Variants in COL27A1 observed in about 807,000 individuals in gnomAD.
The protein encoded by COL27A1 is collagen alpha-1(XXVII) chain.
A neutral mutation model predicts 251.3 loss-of-function variants in COL27A1; 106 were observed. The ratio of observed to expected loss-of-function variants is 0.42; its 90% CI spans 0.36 to 0.50. The LOEUF is 0.50. COL27A1 is among the 20% of genes least tolerant of loss of function. The probability of loss-of-function intolerance (pLI) is 0.00; values close to 1 mark genes in which losing one functional copy is unlikely to be tolerated. For synonymous variants in COL27A1, 1,000 were observed against 986.3 expected (o/e 1.01, Z -0.26); for missense variants, 2,325 against 2,522.8 (o/e 0.92, Z 1.68).
intron 2 of COL27A1, among the ~76,000 whole-genome samples, chr9:114,165,360 C>CATCCATTCATCCATCCATCCAAT (rs1848757977): frequency 6.6e-6 from 1 of 152,020 alleles, no homozygotes. Flanking sequence ...TCCATCCATC[C>CATCCATTCATCCATCCATCCAAT]ATCCATTCAT....
rs757891945 is a variant in COL27A1, at chr9:114,168,297, C to A, written c.742C>A (p.Pro248Thr). ...QADTYQSPLG[P>T]LFSQDSGRPF... ...TGACACGTACCAGTCCCCACTGGGA[C>A]CTCTCTTCTCCCAAGACTCTGGCAG... is the stretch of plus-strand genomic sequence containing the variant. The change falls in exon 3 of 61, where the codon CCT becomes ACT. Residue 248 changes from proline (P) to threonine (T), a missense_variant. Transcript: ENST00000356083. The A allele has an allele frequency of 6.2e-7, 1 of 1,613,500 alleles. No individual in the cohort carries two copies. Among genetic ancestry groups the A allele is most frequent in the South Asian group, 1.1e-5 (1 of 91,082 alleles).
chr9:114,235,773 GAAATAA>G (rs1832351491), intron 17 of COL27A1, 121 bp downstream of exon 17: 2 of 759,128 alleles, frequency 2.6e-6, no homozygotes, highest in Non-Finnish European at 4.8e-6. Flanking sequence ...GGCTGCCCTC[GAAATAA>G]TCCAGTCTTC....
At chr9:114,171,207 A>T (rs1227974436) in intron 3 of COL27A1, among the ~76,000 whole-genome samples, 1 of 152,216 alleles carries the variant, frequency 6.6e-6, no homozygotes, top group Non-Finnish European at 1.5e-5. Flanking sequence ...GGGATGACTT[A>T]GTTCAACTTT....
chr9:114,258,647 G>A, intron 28 of COL27A1, 53 bp downstream of exon 28: 4 of 1,569,046 alleles, frequency 2.5e-6, no homozygotes, highest in Non-Finnish European at 1.7e-6. Context: ...GGGCACACTT[G>A]GAACAGGGCC....
chr9:114,178,961 A>G (rs1454786611), intron 4 of COL27A1, among the ~76,000 whole-genome samples: 2 of 152,104 alleles, frequency 1.3e-5, no homozygotes, highest in Non-Finnish European at 2.9e-5. Context: ...TTCTCATTTT[A>G]GAGATGAGGA....
At chr9:114,264,655 C>G (rs1483430659) in intron 29 of COL27A1, among the ~76,000 whole-genome samples, 2 of 152,166 alleles carry the variant, frequency 1.3e-5, no homozygotes, top group African/African-American at 2.4e-5. Context: ...TCCCCGGACC[C>G]CAAACCCCAC....
intron 27 of COL27A1, among the ~76,000 whole-genome samples, chr9:114,257,192 C>CCTCT (rs759332055): frequency 6.6e-6 from 1 of 152,170 alleles, no homozygotes; most frequent in Non-Finnish European, 1.5e-5. Flanking sequence ...TGGGGCTGGG[C>CCTCT]CTCTCCCTGG....
In COL27A1 at chr9:114,304,693, C is replaced by T; in HGVS notation, c.4938+20C>T. 1.2e-6 allele frequency: 2 copies of T among 1,610,826 alleles called. No individual in the cohort carries two copies. Among genetic ancestry groups the T allele is most frequent in the Non-Finnish European group, 1.7e-6 (2 of 1,177,140 alleles). On this transcript the variant is annotated intron_variant, in intron 57 of 60. Coordinates refer to ENST00000356083, the MANE Select transcript of COL27A1 (RefSeq NM_032888.4). ...CCAGAGGTATCTCCAGGGGCTCTCC[C>T]CATGTGGGATCCCTTCCTGGGAGAA...
At chr9:114,283,900 C>T (rs766519100) in intron 40 of COL27A1, 138 bp downstream of exon 40, 2 of 850,538 alleles carry the variant, frequency 2.4e-6, no homozygotes, top group Non-Finnish European at 3.7e-6. Flanking sequence ...GTCTCACCTG[C>T]CCCAGGGAGC....
Position 114,221,820 on chromosome 9 carries a change from A to G in COL27A1, c.2422-403A>G, listed in dbSNP as rs185205380. Among the ~76,000 whole-genome samples, 10 of 152,352 alleles carry G rather than the reference A, an allele frequency of 6.6e-5. No homozygotes were observed. The East Asian group carries it at 1.9e-3, about 29-fold the overall frequency. On this transcript the variant is annotated intron_variant, in intron 13 of 60. Coordinates refer to ENST00000356083, the MANE Select transcript of COL27A1 (RefSeq NM_032888.4). ...TAGAGGCTCTCAGCTTGGAGCCCTC[A>G]TGGCTTTGTCATTTCCTTGCACCTG...
At position 114,277,148 on chromosome 9, in the gene COL27A1, C is replaced by T. The variant is rs183419580; in HGVS notation, c.3717+1380C>T. Among the ~76,000 whole-genome samples the T allele has an allele frequency of 2.4e-4, 36 of 152,196 alleles. 1 individual carries two copies. Among genetic ancestry groups the T allele is most frequent in the African/African-American group, 7.5e-4 (31 of 41,514 alleles). On this transcript the variant is annotated intron_variant, in intron 37 of 60. Coordinates refer to ENST00000356083, the MANE Select transcript of COL27A1 (RefSeq NM_032888.4). Reference sequence around the variant, plus strand: ...TGTCGCAAATACTGGACTGATGACTCGGAACTTGACTTGGTAGTGGGGGGC... The same window carrying T: ...TGTCGCAAATACTGGACTGATGACTTGGAACTTGACTTGGTAGTGGGGGGC...
At position 114,168,750 on chromosome 9, in the gene COL27A1, T is replaced by A. The variant is rs779846474; in HGVS notation, c.1195T>A (p.Ser399Thr). Residue 399 changes from serine to threonine, a missense_variant, in exon 3 of 61, where the codon TCA becomes ACA. Physicochemically the swap from Ser to Thr is moderately conservative, Grantham distance 58 (BLOSUM62 1). Around this residue, in one of 4 missense-constraint regions of COL27A1, gnomAD observed 1,183 missense variants for 1,144.1 expected, o/e 1.03. Coordinates refer to ENST00000356083, the MANE Select transcript of COL27A1 (RefSeq NM_032888.4). The stretch of plus-strand genomic sequence containing the variant: ...AACAGCTCCATCTTCATTTACAAAG[T>A]CAGCCCTACCCACTCAGAAGCAAGT... ...QKTAPSSFTK[S>T]ALPTQKQVPP... 18 of 1,613,824 alleles carry A rather than the reference T, an allele frequency of 1.1e-5. No individual in the cohort carries two copies. Among genetic ancestry groups the A allele is most frequent in the Admixed American group, 6.7e-5 (4 of 59,990 alleles).
intron 41 of COL27A1, among the ~76,000 whole-genome samples, chr9:114,285,304 T>A (rs1423724249): frequency 6.6e-6 from 1 of 151,898 alleles, no homozygotes; most frequent in Non-Finnish European, 1.5e-5. Flanking sequence ...AGGAGAGGAA[T>A]TGCTGGAAGG....
chr9:114,288,317 C>A, intron 41 of COL27A1, 138 bp from the exon 42 acceptor site: 1 of 884,324 alleles, frequency 1.1e-6, no homozygotes, highest in Non-Finnish European at 1.9e-6. Context: ...CACACCTACC[C>A]TTCCCTCTCT....
chr9:114,297,247 T>C (rs1233977256), intron 49 of COL27A1, among the ~76,000 whole-genome samples: 1 of 152,178 alleles, frequency 6.6e-6, no homozygotes, highest in African/African-American at 2.4e-5. Context: ...AAATTACCCC[T>C]TCTTTGCACC....
intron 39 of COL27A1, among the ~76,000 whole-genome samples, chr9:114,283,165 C>T (rs1176541185): frequency 1.3e-5 from 2 of 152,170 alleles, no homozygotes; most frequent in East Asian, 3.9e-4. Context: ...CCAGTTTCTG[C>T]GGTGTAAATG....
At chr9:114,188,117 G>A (rs963322548) in intron 5 of COL27A1, among the ~76,000 whole-genome samples, 15 of 152,206 alleles carry the variant, frequency 9.9e-5, no homozygotes, top group East Asian at 1.9e-4. Flanking sequence ...TGACTGCTCC[G>A]GCACAGCAGG....
In COL27A1 at chr9:114,197,551, G is replaced by A. The variant is rs183321242; in HGVS notation, c.2124+1539G>A. 9.2e-5 allele frequency among the ~76,000 whole-genome samples: 14 copies of A among 152,292 alleles called. 1 individual carries two copies. Among genetic ancestry groups the A allele is most frequent in the African/African-American group, 3.4e-4 (14 of 41,560 alleles). On this transcript the variant is annotated intron_variant, in intron 7 of 60. Transcript: ENST00000356083. ...GTCCCAGCTCATAAAGCAGCCTCGG[G>A]TGGTCTTGTTCTGCATGGGGGTGGC...
rs764201157 is a variant in COL27A1, at chr9:114,309,446, T to C, written c.5404T>C (p.Phe1802Leu). 3 of 1,613,908 alleles carry C rather than the reference T, an allele frequency of 1.9e-6. No individual in the cohort carries two copies. The East Asian group carries it at 6.7e-5, about 36-fold the overall frequency. The change falls in exon 60 of 61, where the codon TTC (phenylalanine) becomes CTC (leucine). Residue 1802 changes from phenylalanine to leucine, a missense_variant. Physicochemically the swap from Phe to Leu is conservative, Grantham distance 22. Transcript: ENST00000356083. ...ACAGATTTTTGAAGCTGGGGGTCAG[T>C]TCCGGCCCGAGGTGTCCATGGATGG... ...NGQIFEAGGQ[F>L]RPEVSMDGCK... is the part of the protein sequence containing the mutation.
Sources: allele counts gnomAD v4.1 joint callset (sites outside exome capture counted in the v4.1 genomes callset), GRCh38; gene constraint gnomAD v4.1.1; regional missense constraint gnomAD v4.1.1; transcripts MANE v1.5; gene names NCBI Gene and HGNC (gene_info 2026-07-23, HGNC 2026-07-21).